Variants in MID1 observed in about 807,000 individuals in gnomAD.
The protein encoded by MID1 is midline 1.
MID1 carries 7 observed loss-of-function variants against 40.4 expected under a neutral mutation model. That is an observed-to-expected ratio of 0.17 (90% CI 0.10 to 0.33). The LOEUF (loss-of-function observed/expected upper bound fraction) is 0.33, where lower values mean the gene tolerates loss of function less well. Ranked by LOEUF, MID1 falls within the 10% of genes least tolerant of loss-of-function variation. The pLI is 1.00. For missense variants in MID1, 367 were observed against 558.5 expected (o/e 0.66, Z 3.46); for synonymous variants, 229 against 221.2 (o/e 1.04, Z -0.31).
At chrX:10,550,859 G>C (rs1933879343) in intron 2 of MID1, among the ~76,000 whole-genome samples, 1 of 110,635 alleles carries the variant, frequency 9.0e-6, no homozygotes, top group Non-Finnish European at 1.9e-5. Flanking sequence ...ATTGTATATT[G>C]CTAAGTTTAC....
At chrX:10,482,696 C>G in intron 4 of MID1, 68 bp from the exon 5 acceptor site, 1 of 1,074,202 alleles carries the variant, frequency 9.3e-7, no homozygotes, top group Admixed American at 2.2e-5. Flanking sequence ...AGGCATCAGG[C>G]TGGATCCTTC....
At chrX:10,742,507 C>A (rs572732547) in intron 1 of MID1, among the ~76,000 whole-genome samples, 1 of 112,344 alleles carries the variant, frequency 8.9e-6, no homozygotes. Flanking sequence ...AAAGACAATT[C>A]TCTGCAATAT....
At chrX:10,677,121 C>T (rs1217742879) in intron 1 of MID1, among the ~76,000 whole-genome samples, 1 of 111,580 alleles carries the variant, frequency 9.0e-6, no homozygotes, top group Non-Finnish European at 1.9e-5. Flanking sequence ...AAACAGATTG[C>T]AAACATCAAG....
chrX:10,719,040 C>T (rs1420866874), intron 1 of MID1, among the ~76,000 whole-genome samples: 9 of 111,599 alleles, frequency 8.1e-5, no homozygotes, highest in East Asian at 5.6e-4. Flanking sequence ...ATTGATGGGA[C>T]GTATCTCAAA....
At chrX:10,595,756 G>T (rs1019050178) in intron 1 of MID1, among the ~76,000 whole-genome samples, 1 of 110,638 alleles carries the variant, frequency 9.0e-6, no homozygotes, top group Admixed American at 9.6e-5. Flanking sequence ...CACACAGTAG[G>T]GTGACTACAG....
At chrX:10,689,122 C>T (rs920121193) in intron 1 of MID1, among the ~76,000 whole-genome samples, 1 of 110,757 alleles carries the variant, frequency 9.0e-6, no homozygotes, top group Non-Finnish European at 1.9e-5. Flanking sequence ...CTGAGGTGTT[C>T]AGACTTTACA....
At chrX:10,726,970 G>C (rs901283523) in intron 1 of MID1, among the ~76,000 whole-genome samples, 1 of 112,839 alleles carries the variant, frequency 8.9e-6, no homozygotes, top group African/African-American at 3.2e-5. Flanking sequence ...AATATTCCAA[G>C]ACTACTTTCT....
chrX:10,808,720 C>T (rs902484036), intron 1 of MID1, among the ~76,000 whole-genome samples: 1 of 111,143 alleles, frequency 9.0e-6, no homozygotes, highest in Admixed American at 9.6e-5. Context: ...AACTGGCTAG[C>T]CATATGTAGA....
intron 1 of MID1, among the ~76,000 whole-genome samples, chrX:10,647,792 AATC>A (rs752370108): frequency 8.9e-6 from 1 of 111,744 alleles, no homozygotes; most frequent in African/African-American, 3.2e-5. Context: ...TGAGCGTCAG[AATC>A]ATCATATACG....
intron 2 of MID1, among the ~76,000 whole-genome samples, chrX:10,538,170 G>A (rs919864987): frequency 4.5e-5 from 5 of 110,444 alleles, no homozygotes; most frequent in Non-Finnish European, 9.5e-5. Context: ...ACGAGGTTTC[G>A]CCATGTTGCC....
chrX:10,482,766 T>C, intron 4 of MID1, 138 bp from the exon 5 acceptor site: 2 of 610,111 alleles, frequency 3.3e-6, no homozygotes, highest in South Asian at 2.4e-5. Flanking sequence ...TATATCAAAA[T>C]ATGGAAAGCT....
intron 1 of MID1, among the ~76,000 whole-genome samples, chrX:10,690,573 A>G (rs2043126260): frequency 1.8e-5 from 2 of 111,652 alleles, no homozygotes; most frequent in Admixed American, 1.9e-4. Flanking sequence ...TCAGTCCTAC[A>G]ATATGTGGTT....
At chrX:10,599,070 G>A (rs1041337632) in intron 1 of MID1, among the ~76,000 whole-genome samples, 1 of 111,559 alleles carries the variant, frequency 9.0e-6, no homozygotes, top group Admixed American at 9.5e-5. Flanking sequence ...ATCCAATCCC[G>A]GGTCTCTGAC....
intron 2 of MID1, chrX:10,565,300 C>T (rs1934486153): frequency 6.1e-6 from 2 of 328,846 alleles, no homozygotes; most frequent in Non-Finnish European, 5.9e-6. Flanking sequence ...CCAGGTGATG[C>T]TTTTGTTGCC....
intron 3 of MID1, chrX:10,506,604 A>T: frequency 2.1e-6 from 1 of 485,977 alleles, no homozygotes; most frequent in South Asian, 2.9e-5. Context: ...GGAGGGGCAG[A>T]AAAAGTTCCC....
chrX:10,684,878 C>T (rs941374924), intron 1 of MID1, among the ~76,000 whole-genome samples: 9 of 111,526 alleles, frequency 8.1e-5, no homozygotes, highest in African/African-American at 2.9e-4. Flanking sequence ...CCTCTTATGC[C>T]TATTTACGGT....
chrX:10,683,568 T>C (rs778711030), intron 1 of MID1, among the ~76,000 whole-genome samples: 14 of 109,429 alleles, frequency 1.3e-4, no homozygotes, highest in Non-Finnish European at 2.7e-4. Flanking sequence ...AGAAAAAGAA[T>C]GAATCTGGAA....
At chrX:10,572,998 C>T (rs1423717349) in intron 1 of MID1, among the ~76,000 whole-genome samples, 2 of 112,344 alleles carry the variant, frequency 1.8e-5, no homozygotes, top group African/African-American at 6.5e-5. Flanking sequence ...CCTACAGTCC[C>T]TCTAGCACTC....
chrX:10,483,677 C>G (rs1282904585), intron 4 of MID1, among the ~76,000 whole-genome samples: 1 of 112,244 alleles, frequency 8.9e-6, no homozygotes, highest in Non-Finnish European at 1.9e-5. Context: ...ATCTGTCTTA[C>G]AGACAAGGCT....
Sources: gnomAD v4.1 joint callset for allele counts (sites outside exome capture counted in the v4.1 genomes callset) on GRCh38, gnomAD v4.1.1 for gene constraint, MANE v1.5 for transcripts, NCBI Gene and HGNC (gene_info 2026-07-23, HGNC 2026-07-21) for gene names.